The following TRIM38 variants were observed in gnomAD, a reference collection of about 807,000 sequenced individuals.
TRIM38 encodes tripartite motif containing 38.
TRIM38 carries 35 observed loss-of-function variants against 35.8 expected under a neutral mutation model. The ratio of observed to expected loss-of-function variants is 0.98; its 90% CI spans 0.75 to 1.30. The LOEUF (loss-of-function observed/expected upper bound fraction) is 1.30. Among genes scored for constraint, TRIM38 ranks in the 50% most tolerant of loss-of-function variants. The pLI is 0.00. For missense variants in TRIM38, 545 were observed against 556.9 expected, an observed-to-expected ratio of 0.98 and a Z score of 0.21; for synonymous variants, 198 against 204.7, an observed-to-expected ratio of 0.97 and a Z score of 0.28.
At chr6:25,971,766 T>C (rs1760237188) in intron 4 of TRIM38, 103 bp from the exon 5 acceptor site, 2 of 982,130 alleles carry the variant, frequency 2.0e-6, no homozygotes, top group African/African-American at 1.6e-5. Flanking sequence ...TCAAGGCTTG[T>C]CATGTAGTAG....
chr6:25,974,617 A>T (rs1487773737), intron 7 of TRIM38, among the ~76,000 whole-genome samples: 2 of 152,244 alleles, frequency 1.3e-5, no homozygotes, highest in Non-Finnish European at 2.9e-5. Context: ...CGGCACTGAG[A>T]TGAGACTATT....
Position 25,966,951 on chromosome 6 carries a change from G to A in TRIM38, c.411+18G>A. On this transcript the variant is annotated intron_variant, in intron 3 of 7. Transcript: ENST00000357085. ...GCTACAAGGTGAGTGTGTGGGCCCG[G>A]GAGCTTTGGTAAGTACCAAGTCTTA... 1 of 1,582,044 alleles carries A rather than the reference G, an allele frequency of 6.3e-7. No homozygotes were observed. The highest frequency in any genetic ancestry group is 8.6e-7 in the Non-Finnish European group (1 of 1,160,122).
At chr6:25,981,540 GTATCTCACT>G (rs1210458725) in intron 7 of TRIM38, among the ~76,000 whole-genome samples, 1 of 152,182 alleles carries the variant, frequency 6.6e-6, no homozygotes, top group Non-Finnish European at 1.5e-5. Context: ...ATACTGTTCA[GTATCTCACT>G]TTAGGTTATC....
Position 25,991,141 on chromosome 6 carries a change from A to T in TRIM38, c.*7454A>T, listed in dbSNP as rs1267958787. 3 of 152,122 alleles carry T rather than the reference A, an allele frequency of 2.0e-5. No individual in the cohort carries two copies. The East Asian group carries it at 5.8e-4, about 29-fold the overall frequency. The allele number at this position is 152,122 out of a possible 1,614,324, so 9.4% of individuals were successfully genotyped here. On this transcript the variant is annotated 3_prime_UTR_variant, in exon 8 of 8. Transcript: ENST00000357085. ...AAGACCTAAACTCCCTGAGGACAGG[A>T]CTATTTTTTACATCTTGATGTCACT...
In TRIM38 at chr6:25,983,669, G is replaced by A; in HGVS notation, c.1380G>A (p.Leu460=). Residue 460 remains leucine (L), a synonymous_variant, in exon 8 of 8, where the codon CTG becomes CTA. Coordinates refer to ENST00000357085, the MANE Select transcript of TRIM38 (RefSeq NM_006355.5). ...TTTATCAATATTCTCCTTTGTTTCT[G>A]CCTCCCCCAGGTGACTAAGGAAAAG... ...FQVYQYSPLF[L]PPPGD is the part of the protein sequence containing the mutation. 1 of 1,594,558 alleles carries A rather than the reference G, an allele frequency of 6.3e-7. No individual in the cohort carries two copies. The highest frequency in any genetic ancestry group is 1.1e-5 in the South Asian group (1 of 87,900).
rs374490144 is a variant in TRIM38, at chr6:25,989,039, A to G, written c.*5352A>G. Reference sequence around the variant, plus strand: ...TCTCACCAGTAATGAACAAGTTACTATTGCTACATATCTTTGCAACCTTTG... The same window carrying G: ...TCTCACCAGTAATGAACAAGTTACTGTTGCTACATATCTTTGCAACCTTTG... On this transcript the variant is annotated 3_prime_UTR_variant, in exon 8 of 8. Coordinates refer to ENST00000357085, the MANE Select transcript of TRIM38 (RefSeq NM_006355.5). 6.6e-6 allele frequency: 1 copy of G among 152,232 alleles called. No individual in the cohort carries two copies. Among genetic ancestry groups the G allele is most frequent in the African/African-American group, 2.4e-5 (1 of 41,466 alleles). 9.4% of individuals were successfully genotyped at this position (152,232 alleles called of 1,614,324 possible).
rs1275638701 is a variant in TRIM38, at chr6:25,985,797, G to A, written c.*2110G>A. Reference sequence around the variant, plus strand: ...ATGTAAGTGTGGTCTTCCCCAGAAAGGGGAGGCCTCCCTAACATTGTTAAA... The same window carrying A: ...ATGTAAGTGTGGTCTTCCCCAGAAAAGGGAGGCCTCCCTAACATTGTTAAA... On this transcript the variant is annotated 3_prime_UTR_variant, in exon 8 of 8. Transcript: ENST00000357085. The A allele has an allele frequency of 6.6e-6, 1 of 152,154 alleles. No individual in the cohort carries two copies. The highest frequency in any genetic ancestry group is 1.5e-5 in the Non-Finnish European group (1 of 68,020). The allele number at this position is 152,154 out of a possible 1,614,324, so 9.4% of individuals were successfully genotyped here.
At position 25,989,510 on chromosome 6, in the gene TRIM38, C is replaced by CTTTTATT. The variant is rs1760792848; in HGVS notation, c.*5827_*5828insATTTTTT. ...GCTATTGTTAGCAAGGTCTTGTATT[C>CTTTTATT]TTTTTTTTTTTTTTTTTTTTTTTTA... is the stretch of plus-strand genomic sequence containing the variant. On this transcript the variant is annotated 3_prime_UTR_variant, in exon 8 of 8. Transcript: ENST00000357085. The CTTTTATT allele has an allele frequency of 1.1e-5, 1 of 93,738 alleles. No homozygotes were observed. The highest frequency in any genetic ancestry group is 4.0e-5 in the African/African-American group (1 of 25,244). The allele number at this position is 93,738 out of a possible 1,614,324, so 5.8% of individuals were successfully genotyped here. A position where few individuals can be genotyped will look rare whatever the true frequency, so the allele number is the denominator to read the frequency against.
rs1464890207 is a variant in TRIM38, at chr6:25,963,183, C to T, written c.-288C>T. On this transcript the variant is annotated 5_prime_UTR_variant, in exon 2 of 8. Transcript: ENST00000357085. Reference sequence around the variant, plus strand: ...CCCAGCAGAGAGGGGCCTGGTGTATCACTGGAGGAAATAGCCTGCCAAGGA... The same window carrying T: ...CCCAGCAGAGAGGGGCCTGGTGTATTACTGGAGGAAATAGCCTGCCAAGGA... 6.6e-6 allele frequency: 1 copy of T among 152,338 alleles called. No individual in the cohort carries two copies. Among genetic ancestry groups the T allele is most frequent in the African/African-American group, 2.4e-5 (1 of 41,424 alleles). 9.4% of individuals were successfully genotyped at this position (152,338 alleles called of 1,614,324 possible). A position where few individuals can be genotyped will look rare whatever the true frequency, so the allele number is the denominator to read the frequency against.
rs1455925846 is a variant in TRIM38, at chr6:25,983,366, G to A, written c.1077G>A (p.Trp359Ter). 1.2e-6 allele frequency: 2 copies of A among 1,613,944 alleles called. No individual in the cohort carries two copies. Among genetic ancestry groups the A allele is most frequent in the East Asian group, 2.2e-5 (1 of 44,882 alleles). Residue 359 changes from tryptophan to a stop codon, truncating the protein, a stop_gained, in exon 8 of 8, where the codon TGG (tryptophan) becomes TGA (stop). Transcript: ENST00000357085. LOFTEE classifies it low-confidence loss of function (END_TRUNC). ...TGGATGTTGGCGAAGGAACCGGATG[G>A]GATTTAGGAGTTTGTATGGAAAATG... The part of the protein sequence containing the change: ...FEVDVGEGTG[W>*]DLGVCMENVQ...
rs868202087 is a variant in TRIM38 at position 25,991,173 on chromosome 6, C to T, written c.*7486C>T. The T allele has an allele frequency of 5.9e-5, 9 of 152,198 alleles. No individual in the cohort carries two copies. The highest frequency in any genetic ancestry group is 2.2e-4 in the African/African-American group (9 of 41,444). The allele number at this position is 152,198 out of a possible 1,614,324, so 9.4% of individuals were successfully genotyped here. On this transcript the variant is annotated 3_prime_UTR_variant, in exon 8 of 8. Transcript: ENST00000357085. ...TTTACATCTTGATGTCACTCCTGAG[C>T]ACTTGCTTTAATGTGTTGGACACTG...
rs200033900 is a variant in TRIM38, at chr6:25,987,207, C to CG, written c.*3520_*3521insG. 2.0e-5 allele frequency: 1 copy of CG among 49,218 alleles called. No homozygotes were observed. The highest frequency in any genetic ancestry group is 8.8e-5 in the African/African-American group (1 of 11,388). The allele number at this position is 49,218 out of a possible 1,614,324, so 3.0% of individuals were successfully genotyped here. A position where few individuals can be genotyped will look rare whatever the true frequency, so the allele number is the denominator to read the frequency against. ...AAAAGCTTAACAAAGGTACTCCCCG[C>CG]CCCCCGCCCGCCACACACCATCCCC... On this transcript the variant is annotated 3_prime_UTR_variant, in exon 8 of 8. Transcript: ENST00000357085.
Position 25,979,058 on chromosome 6 carries a change from A to G in TRIM38, c.875-4106A>G, listed in dbSNP as rs185526316. Among the ~76,000 whole-genome samples the G allele has an allele frequency of 3.3e-4, 51 of 152,274 alleles. 1 individual carries two copies. The East Asian group carries it at 9.4e-3, about 28-fold the overall frequency. On this transcript the variant is annotated intron_variant, in intron 7 of 7. Transcript: ENST00000357085. ...TATTAAAGATTGGGTTTTCATTTAT[A>G]TATTGTAAAATACATACACTATACA...
Position 25,988,492 on chromosome 6 carries a change from C to CTTTTTTTTTTTTTTTTTTTTTTT in TRIM38, c.*4808_*4809insTTTTTTTTTTTTTTTTTTTTTTT. 3.3e-5 allele frequency: 1 copy of CTTTTTTTTTTTTTTTTTTTTTTT among 30,142 alleles called. No individual in the cohort carries two copies. The highest frequency in any genetic ancestry group is 5.6e-5 in the Non-Finnish European group (1 of 17,850). The allele number at this position is 30,142 out of a possible 1,614,324, so 1.9% of individuals were successfully genotyped here. On this transcript the variant is annotated 3_prime_UTR_variant, in exon 8 of 8. Transcript: ENST00000357085. ...TCTTTTTCTTTTTCTTTTTTCTTTT[C>CTTTTTTTTTTTTTTTTTTTTTTT]TTTCTTTTTTTTTTTTTTTTTGAGA...
At chr6:25,981,938 A>G (rs1245753944) in intron 7 of TRIM38, among the ~76,000 whole-genome samples, 1 of 152,212 alleles carries the variant, frequency 6.6e-6, no homozygotes, top group Non-Finnish European at 1.5e-5. Context: ...ATTAAGACGA[A>G]GATGATGTTG....
chr6:25,976,628 G>T (rs1760400867), intron 7 of TRIM38, among the ~76,000 whole-genome samples: 2 of 152,084 alleles, frequency 1.3e-5, no homozygotes, highest in Non-Finnish European at 2.9e-5. Context: ...GTGTAGTTGG[G>T]TTTTTTTGTT....
intron 7 of TRIM38, among the ~76,000 whole-genome samples, chr6:25,982,617 C>T (rs1760576392): frequency 6.6e-6 from 1 of 152,228 alleles, no homozygotes; most frequent in Non-Finnish European, 1.5e-5. Context: ...AGGAATTTTA[C>T]CAAGCATTAA....
chr6:25,970,816 A>G (rs1039968048), intron 4 of TRIM38, among the ~76,000 whole-genome samples: 1 of 152,206 alleles, frequency 6.6e-6, no homozygotes, highest in African/African-American at 2.4e-5. Flanking sequence ...CAATCCAAGA[A>G]CATAGATTCA....
Position 25,973,163 on chromosome 6 carries a change from C to T in TRIM38, c.762-10C>T. The T allele has an allele frequency of 1.2e-6, 2 of 1,614,152 alleles. No homozygotes were observed. Among genetic ancestry groups the T allele is most frequent in the Non-Finnish European group, 1.7e-6 (2 of 1,180,008 alleles). On this transcript the variant is annotated splice_polypyrimidine_tract_variant and intron_variant, in intron 6 of 7. Coordinates refer to ENST00000357085, the MANE Select transcript of TRIM38 (RefSeq NM_006355.5). The stretch of plus-strand genomic sequence containing the variant: ...CCTCTGAAGAAATCTCTCGCCTCTG[C>T]TTATTCTAGGAGTTGGGCTGTGAAG...
Sources: allele counts gnomAD v4.1 joint callset (sites outside exome capture counted in the v4.1 genomes callset), GRCh38; gene constraint gnomAD v4.1.1; transcripts MANE v1.5; gene names NCBI Gene and HGNC (gene_info 2026-07-23, HGNC 2026-07-21).